SAMSN1: variants seen among roughly 807,000 people sequenced by gnomAD.
SAMSN1 encodes SAM domain, SH3 domain and nuclear localization signals 1, also known as SAM domain-containing protein SAMSN-1.
Under a neutral mutation model 42.0 loss-of-function variants are expected in SAMSN1, and 31 were observed. The observed-to-expected ratio is 0.74, with a 90% CI of 0.55 to 1.00. The LOEUF (loss-of-function observed/expected upper bound fraction) is 1.00, where lower values mean the gene tolerates loss of function less well. Among genes scored for constraint, SAMSN1 ranks in the 50% least tolerant of loss-of-function variants. SAMSN1 has a pLI of 0.00. For missense variants in SAMSN1, 464 were observed against 439.4 expected, an observed-to-expected ratio of 1.06 and a Z score of -0.50; for synonymous variants, 178 against 151.9, an observed-to-expected ratio of 1.17 and a Z score of -1.26.
In SAMSN1 at chr21:14,643,159, A is replaced by C; in HGVS notation, c.25-26T>G. On this transcript the variant is annotated intron_variant, in intron 1 of 15. Coordinates refer to the SAMSN1 transcript ENST00000647101. The stretch of plus-strand genomic sequence containing the variant: ...CTGCAATACAGAGATTTATGAGTCA[A>C]GGAATAACAGAATAATAATTTTCCT... 5 of 713,472 alleles carry C rather than the reference A, an allele frequency of 7.0e-6. No homozygotes were observed. In the South Asian group the frequency reaches 7.4e-5, roughly 11 times the overall value. 44.2% of individuals were successfully genotyped at this position (713,472 alleles called of 1,614,324 possible).
At chr21:14,520,509 T>G (rs1447270561) in intron 2 of SAMSN1, among the ~76,000 whole-genome samples, 1 of 152,230 alleles carries the variant, frequency 6.6e-6, no homozygotes, top group African/African-American at 2.4e-5. Context: ...GGGTTCATGT[T>G]TTGCTTTCCC....
intron 5 of SAMSN1, among the ~76,000 whole-genome samples, chr21:14,509,158 A>G (rs149151992): frequency 2.0e-5 from 3 of 147,824 alleles, no homozygotes; most frequent in Non-Finnish European, 4.4e-5. Context: ...AGAAAAGAAA[A>G]GAAAGGAAAG....
intron 4 of SAMSN1, 70 bp from the exon 5 acceptor site, chr21:14,510,531 C>G (rs936452325): frequency 5.9e-6 from 9 of 1,536,694 alleles, no homozygotes; most frequent in Non-Finnish European, 8.0e-6. Context: ...CTGGACACAA[C>G]TAAGTATTGA....
intron 2 of SAMSN1, among the ~76,000 whole-genome samples, chr21:14,553,525 T>G (rs1263453757): frequency 6.6e-6 from 1 of 152,210 alleles, no homozygotes; most frequent in Admixed American, 6.5e-5. Flanking sequence ...GAATTTCTCC[T>G]TAATCACTTC....
At chr21:14,495,366 C>T (rs928974305) in intron 7 of SAMSN1, among the ~76,000 whole-genome samples, 5 of 152,168 alleles carry the variant, frequency 3.3e-5, no homozygotes, top group African/African-American at 9.7e-5. Context: ...GGAAGTCATT[C>T]TTCTTTATTT....
intron 7 of SAMSN1, among the ~76,000 whole-genome samples, chr21:14,486,611 C>T (rs776698781): frequency 6.6e-6 from 1 of 152,110 alleles, no homozygotes; most frequent in Non-Finnish European, 1.5e-5. Context: ...TAAGAATGTA[C>T]AGTAGGACTT....
upstream of SAMSN1, among the ~76,000 whole-genome samples, chr21:14,550,512 C>A (rs77386852): frequency 2.5e-4 from 38 of 152,166 alleles, no homozygotes; most frequent in East Asian, 7.0e-3. Flanking sequence ...TCCAACAAGA[C>A]GTGAAATCAA....
In SAMSN1 at chr21:14,516,901, A is replaced by T; in HGVS notation, c.270T>A (p.Ser90=). 1 of 1,601,122 alleles carries T rather than the reference A, an allele frequency of 6.2e-7. No individual in the cohort carries two copies. Among genetic ancestry groups the T allele is most frequent in the Non-Finnish European group, 8.5e-7 (1 of 1,176,224 alleles). ...ATCAGAGAATATTTACCTTTTCCTC[A>T]GAAAGGGCTTTGATGTACTTTTTAC... The part of the protein sequence containing the change: ...KVGKKYIKAL[S]EEKDEEDGEN... The change falls in exon 3 of 8, where the codon TCT becomes TCA. Residue 90 remains serine, a synonymous_variant. Coordinates refer to ENST00000400566, the MANE Select transcript of SAMSN1 (RefSeq NM_022136.5).
intron 1 of SAMSN1, among the ~76,000 whole-genome samples, chr21:14,546,004 A>G (rs1216318374): frequency 6.6e-6 from 1 of 152,228 alleles, no homozygotes; most frequent in African/African-American, 2.4e-5. Context: ...CATAAGACAA[A>G]ATTACAGAGA....
chr21:14,582,182 G>C, exon 2 of SAMSN1: 1 of 1,550,636 alleles, frequency 6.4e-7, no homozygotes, highest in Non-Finnish European at 8.7e-7. Context: ...CTTGAGACGT[G>C]TGTGGCGAAT....
intron 7 of SAMSN1, among the ~76,000 whole-genome samples, chr21:14,489,128 A>T (rs1215187771): frequency 1.3e-5 from 2 of 152,162 alleles, no homozygotes; most frequent in African/African-American, 4.8e-5. Context: ...TAGTCCCTTC[A>T]TGTGGCCATG....
intron 5 of SAMSN1, among the ~76,000 whole-genome samples, chr21:14,505,416 A>C (rs186304972): frequency 6.6e-6 from 1 of 152,370 alleles, no homozygotes; most frequent in Non-Finnish European, 1.5e-5. Context: ...TATTTCATTC[A>C]AATGGACACC....
At chr21:14,636,988 T>C (rs1465774474) in intron 2 of SAMSN1, among the ~76,000 whole-genome samples, 1 of 152,218 alleles carries the variant, frequency 6.6e-6, no homozygotes. Context: ...TACTTTAACA[T>C]CTATACTTCC....
chr21:14,616,373 C>CT (rs138858212), intron 2 of SAMSN1, among the ~76,000 whole-genome samples: 4,058 of 152,094 alleles, frequency 0.027, 109 homozygotes, highest in South Asian at 0.081. Context: ...TTATCTAAAC[C>CT]TCTGTCCCTC....
At chr21:14,490,522 G>C (rs1036349445) in intron 7 of SAMSN1, among the ~76,000 whole-genome samples, 6 of 152,058 alleles carry the variant, frequency 3.9e-5, no homozygotes, top group Non-Finnish European at 7.4e-5. Flanking sequence ...CGTTATCCAG[G>C]GAGGAAATTT....
chr21:14,537,399 T>C (rs774798115), intron 1 of SAMSN1, among the ~76,000 whole-genome samples: 6 of 152,168 alleles, frequency 3.9e-5, no homozygotes, highest in Non-Finnish European at 7.3e-5. Context: ...TTGGCACCTA[T>C]CATTATCTAG....
chr21:14,597,705 A>G (rs369481283), intron 6 of SAMSN1, among the ~76,000 whole-genome samples: 39 of 152,288 alleles, frequency 2.6e-4, no homozygotes, highest in African/African-American at 9.1e-4. Flanking sequence ...AGAAGTGCAG[A>G]CATAGGGTTT....
chr21:14,577,285 T>TATATATATA (rs1491266473), intron 2 of SAMSN1, among the ~76,000 whole-genome samples: 21 of 36,816 alleles, frequency 5.7e-4, no homozygotes, highest in Non-Finnish European at 9.6e-4. Context: ...TATATATATA[T>TATATATATA]TTTTTTTTTA....
At chr21:14,528,337 GTCC>G (rs1979014051) in intron 1 of SAMSN1, among the ~76,000 whole-genome samples, 1 of 151,934 alleles carries the variant, frequency 6.6e-6, no homozygotes, top group South Asian at 2.1e-4. Flanking sequence ...GTACTTCTTG[GTCC>G]TCCTGGAATT....
Sources: gnomAD v4.1 joint callset for allele counts (sites outside exome capture counted in the v4.1 genomes callset) on GRCh38, gnomAD v4.1.1 for gene constraint, MANE v1.5 for transcripts, NCBI Gene and HGNC (gene_info 2026-07-23, HGNC 2026-07-21) for gene names.